The following GSE1 variants were observed in gnomAD, a reference collection of about 807,000 sequenced individuals.
The protein encoded by GSE1 is Gse1 coiled-coil protein.
Under a neutral mutation model 112.6 loss-of-function variants are expected in GSE1, and 32 were observed. The observed-to-expected ratio is 0.28, with a 90% CI of 0.21 to 0.38. GSE1 has a LOEUF of 0.38. GSE1 is among the 10% of genes least tolerant of loss of function. The pLI is 1.00. For missense variants in GSE1, 2,348 were observed against 1,699.2 expected, an observed-to-expected ratio of 1.38 and a Z score of -6.71; for synonymous variants, 1,115 against 735.6, an observed-to-expected ratio of 1.52 and a Z score of -8.35.
chr16:85,504,166 C>A (rs1463545518), intron 2 of GSE1, among the ~76,000 whole-genome samples: 1 of 152,194 alleles, frequency 6.6e-6, no homozygotes, highest in African/African-American at 2.4e-5. Context: ...GGAACAGGTA[C>A]CCCGCTCAGC....
chr16:85,615,509 G>C (rs1213824700), intron 1 of GSE1, among the ~76,000 whole-genome samples: 1 of 151,684 alleles, frequency 6.6e-6, no homozygotes, highest in Non-Finnish European at 1.5e-5. Context: ...TTGACGCTTG[G>C]AGTTTTCTTT....
intron 1 of GSE1, among the ~76,000 whole-genome samples, chr16:85,632,742 T>A (rs1472264412): frequency 6.6e-6 from 1 of 152,150 alleles, no homozygotes; most frequent in Non-Finnish European, 1.5e-5. Context: ...CCCGGATCTC[T>A]GTGACACCAG....
chr16:85,541,589 G>A (rs1044106771), intron 2 of GSE1, among the ~76,000 whole-genome samples: 21 of 152,232 alleles, frequency 1.4e-4, no homozygotes, highest in African/African-American at 4.8e-4. Context: ...GCAGGGCCAC[G>A]GGCACATCAC....
In GSE1 at chr16:85,673,092, T is replaced by A. The variant is rs1329484564; in HGVS notation, c.*553T>A. The A allele has an allele frequency of 1.4e-5, 2 of 144,288 alleles. No individual in the cohort carries two copies. The highest frequency in any genetic ancestry group is 2.9e-5 in the Non-Finnish European group (2 of 68,020). 8.9% of individuals were successfully genotyped at this position (144,288 alleles called of 1,614,324 possible). A position where few individuals can be genotyped will look rare whatever the true frequency, so the allele number is the denominator to read the frequency against. On this transcript the variant is annotated 3_prime_UTR_variant, in exon 16 of 16. Coordinates refer to ENST00000253458, the MANE Select transcript of GSE1 (RefSeq NM_014615.5). ...GCAAAATTTTCTTCAAAGCAACAAG[T>A]CCTAGGAGCACACAAAGCAACCCAA...
At chr16:85,665,930 G>C in intron 12 of GSE1, 46 bp from the exon 13 acceptor site, 1 of 1,598,284 alleles carries the variant, frequency 6.3e-7, no homozygotes, top group Non-Finnish European at 8.6e-7. Context: ...CACTCAGCCT[G>C]TTAACTTGCA....
At chr16:85,233,928 C>T (rs931114386) in intron 1 of GSE1, among the ~76,000 whole-genome samples, 10 of 152,114 alleles carry the variant, frequency 6.6e-5, no homozygotes, top group African/African-American at 9.7e-5. Flanking sequence ...CCACACATGG[C>T]AGGGATCACA....
intron 1 of GSE1, among the ~76,000 whole-genome samples, chr16:85,291,743 G>A (rs1439447644): frequency 6.6e-6 from 1 of 152,224 alleles, no homozygotes; most frequent in Non-Finnish European, 1.5e-5. Flanking sequence ...TCAGGCTGGG[G>A]GCAGAGGCCC....
In GSE1 at chr16:85,443,710, G is replaced by A. The variant is rs138464692; in HGVS notation, c.2464+86067G>A. On this transcript the variant is annotated intron_variant, in intron 2 of 2. Coordinates refer to the GSE1 transcript ENST00000637419. Reference sequence around the variant, plus strand: ...CCCCACCCACCTGCCTTCCCTGCTGGAGAGTCCTCGCACCAGAGGGGCCTA... The same window carrying A: ...CCCCACCCACCTGCCTTCCCTGCTGAAGAGTCCTCGCACCAGAGGGGCCTA... 8.2e-3 allele frequency among the ~76,000 whole-genome samples: 1,255 copies of A among 152,328 alleles called. 6 individuals are homozygous for A. Among genetic ancestry groups the A allele is most frequent in the Non-Finnish European group, 0.012 (821 of 68,028 alleles).
At chr16:85,423,706 C>T (rs1051488290) in intron 2 of GSE1, among the ~76,000 whole-genome samples, 1 of 142,526 alleles carries the variant, frequency 7.0e-6, no homozygotes, top group African/African-American at 2.4e-5. Context: ...CAGACCAAAC[C>T]GTGGCAAGCG....
chr16:85,647,724 C>G (rs1428700500), intron 2 of GSE1, among the ~76,000 whole-genome samples: 1 of 152,184 alleles, frequency 6.6e-6, no homozygotes, highest in Non-Finnish European at 1.5e-5. Context: ...GTAGCTGGGA[C>G]TACAGGCGCG....
chr16:85,357,413 C>T (rs2046972155), intron 1 of GSE1: 1 of 1,103,176 alleles, frequency 9.1e-7, no homozygotes, highest in African/African-American at 1.7e-5. Flanking sequence ...CATGCATCAT[C>T]CCCTGCAGGC....
chr16:85,341,681 G>A (rs2151540749), intron 1 of GSE1, among the ~76,000 whole-genome samples: 1 of 151,964 alleles, frequency 6.6e-6, no homozygotes, highest in South Asian at 2.1e-4. Context: ...TAAAAATTTT[G>A]TAGAGATAGG....
chr16:85,582,674 T>C lies in GSE1; in HGVS notation c.37+26311T>C, dbSNP rs1377818950. On this transcript the variant is annotated intron_variant, in intron 1 of 2. Transcript: ENST00000635906. ...TGCCTGGAGCTCAGTCCTCCCCGTG[T>C]TGATAAATTGAGCTTCTCTTCTCCA... Among the ~76,000 whole-genome samples, 3 of 152,110 alleles carry C rather than the reference T, an allele frequency of 2.0e-5. No homozygotes were observed. The East Asian group carries it at 5.8e-4, about 29-fold the overall frequency.
At position 85,259,235 on chromosome 16, in the gene GSE1, G is replaced by T. The variant is rs371243788; in HGVS notation, c.2283+87428G>T. Among the ~76,000 whole-genome samples, 23 of 152,206 alleles carry T rather than the reference G, an allele frequency of 1.5e-4. No individual in the cohort carries two copies. The East Asian group carries it at 4.3e-3, about 28-fold the overall frequency. The stretch of plus-strand genomic sequence containing the variant: ...CCGGTTGCCTCCCGGCTGCCCATCC[G>T]CACGGCCCCACTATGTGCAGCCCCC... On this transcript the variant is annotated intron_variant, in intron 1 of 2. Transcript: ENST00000637419.
chr16:85,418,873 A>G (rs2048762125), intron 2 of GSE1, among the ~76,000 whole-genome samples: 1 of 152,212 alleles, frequency 6.6e-6, no homozygotes, highest in Non-Finnish European at 1.5e-5. Flanking sequence ...CTGGCGGAGC[A>G]GAGGTGGGAT....
In GSE1 at chr16:85,314,571, TGAGC is replaced by T. The variant is rs1202921530; in HGVS notation, c.2284-42891_2284-42888del. ...ACATGAGCATGTACACACACACACGTGAGCATGTGCACACACACGAACACACCCA... is the reference window on the plus strand; with the variant it reads ...ACATGAGCATGTACACACACACACGTATGTGCACACACACGAACACACCCA... On this transcript the variant is annotated intron_variant, in intron 1 of 2. Coordinates refer to the GSE1 transcript ENST00000637419. 2.0e-5 allele frequency among the ~76,000 whole-genome samples: 3 copies of T among 152,014 alleles called. 1 individual carries two copies. Among genetic ancestry groups the T allele is most frequent in the Non-Finnish European group, 4.4e-5 (3 of 67,980 alleles).
intron 1 of GSE1, among the ~76,000 whole-genome samples, chr16:85,206,181 A>C: frequency 6.9e-6 from 1 of 145,718 alleles, no homozygotes. Context: ...GGGGGAGGGA[A>C]GCACCCAGAT....
chr16:85,602,176 G>C (rs1042946936), intron 1 of GSE1, among the ~76,000 whole-genome samples: 2 of 152,186 alleles, frequency 1.3e-5, no homozygotes, highest in Admixed American at 6.5e-5. Flanking sequence ...ATTCTGAGCA[G>C]CCAGGACTGC....
intron 1 of GSE1, among the ~76,000 whole-genome samples, chr16:85,281,654 C>T (rs1458403162): frequency 6.6e-6 from 1 of 152,158 alleles, no homozygotes; most frequent in Non-Finnish European, 1.5e-5. Context: ...ATGTAAAACT[C>T]AAGTTCCCTC....
Sources: gnomAD v4.1 joint callset for allele counts (sites outside exome capture counted in the v4.1 genomes callset) on GRCh38, gnomAD v4.1.1 for gene constraint, MANE v1.5 for transcripts, NCBI Gene and HGNC (gene_info 2026-07-23, HGNC 2026-07-21) for gene names.